The following TRIML2 variants were observed in gnomAD, a reference collection of about 807,000 sequenced individuals.
The protein encoded by TRIML2 is probable E3 ubiquitin-protein ligase TRIML2.
Under a neutral mutation model 31.2 loss-of-function variants are expected in TRIML2, and 28 were observed. The observed-to-expected ratio is 0.90, with a 90% CI of 0.66 to 1.23. The LOEUF is 1.23. Ranked by LOEUF, TRIML2 falls within the 50% of genes most tolerant of loss-of-function variation. The pLI is 0.00. For missense variants in TRIML2, 536 were observed against 528.3 expected (o/e 1.01, Z -0.14); for synonymous variants, 187 against 197.5 (o/e 0.95, Z 0.45).
chr4:188,100,449 G>A (rs1296684185), intron 4 of TRIML2, among the ~76,000 whole-genome samples: 5 of 152,162 alleles, frequency 3.3e-5, no homozygotes, highest in East Asian at 1.9e-4. Flanking sequence ...TAGGCCGGGC[G>A]CGGTGGCTCA....
In TRIML2 at chr4:188,101,261, T is replaced by G; in HGVS notation, c.286-11A>C. On this transcript the variant is annotated splice_polypyrimidine_tract_variant and intron_variant, in intron 3 of 7. Coordinates refer to ENST00000682553, the MANE Select transcript of TRIML2 (RefSeq NM_173553.4). ...ATTTTGTTCCTCTTCCTTCCTCATA[T>G]AGACATGATAGACTTCAGGTTAAAC... 1 of 1,581,624 alleles carries G rather than the reference T, an allele frequency of 6.3e-7. No individual in the cohort carries two copies.
At chr4:188,091,968 C>A (rs1204895925) in intron 7 of TRIML2, 27 bp from the exon 8 acceptor site, 1 of 1,582,316 alleles carries the variant, frequency 6.3e-7, no homozygotes, top group Non-Finnish European at 8.6e-7. Context: ...CCCTCGTTAA[C>A]CTAGGAGTTC....
intron 7 of TRIML2, among the ~76,000 whole-genome samples, chr4:188,095,009 A>G (rs1733441843): frequency 6.6e-6 from 1 of 152,202 alleles, no homozygotes; most frequent in Non-Finnish European, 1.5e-5. Context: ...GGGCCAAGTA[A>G]ATTGAATGGA....
Position 188,097,091 on chromosome 4 carries a change from C to G in TRIML2, c.715G>C (p.Gly239Arg). ...AGTACTCTGAACATGCTGCTGAGTC[C>G]TCTTATGTGGCATAAACTCAGGTCT... ...ITDLSLCHIRGLSSMFRVLQR... is the reference protein window; with the variant it reads ...ITDLSLCHIRRLSSMFRVLQR... The change falls in exon 7 of 8, where the codon GGA becomes CGA. Residue 239 changes from glycine (G) to arginine (R), a missense_variant. Coordinates refer to ENST00000682553, the MANE Select transcript of TRIML2 (RefSeq NM_173553.4). 5 of 1,613,940 alleles carry G rather than the reference C, an allele frequency of 3.1e-6. No homozygotes were observed. The highest frequency in any genetic ancestry group is 4.2e-6 in the Non-Finnish European group (5 of 1,179,872).
intron 4 of TRIML2, among the ~76,000 whole-genome samples, chr4:188,100,421 G>T (rs1021300133): frequency 7.2e-5 from 11 of 152,126 alleles, no homozygotes; most frequent in Admixed American, 5.9e-4. Flanking sequence ...CCATTCATCC[G>T]GCTTCAAAGG....
chr4:188,094,449 A>G (rs916360959), intron 7 of TRIML2, among the ~76,000 whole-genome samples: 1 of 152,238 alleles, frequency 6.6e-6, no homozygotes, highest in African/African-American at 2.4e-5. Context: ...GTCAATATAT[A>G]TAAAACAATT....
intron 5 of TRIML2, chr4:188,098,818 A>G: frequency 1.9e-6 from 1 of 521,888 alleles, no homozygotes; most frequent in Non-Finnish European, 3.3e-6. Context: ...TGATAATTTT[A>G]AGGTGAGAAT....
At chr4:188,102,392 G>A (rs956801615) in intron 3 of TRIML2, among the ~76,000 whole-genome samples, 4 of 152,186 alleles carry the variant, frequency 2.6e-5, no homozygotes, top group East Asian at 1.9e-4. Flanking sequence ...AGGAGTGTGC[G>A]TTAGCTCGGG....
At chr4:188,101,299 C>T in intron 3 of TRIML2, 49 bp from the exon 4 acceptor site, 7 of 1,159,772 alleles carry the variant, frequency 6.0e-6, no homozygotes, top group South Asian at 1.4e-5. Flanking sequence ...GATAGATTAA[C>T]AACACACACA....
Position 188,109,316 on chromosome 4 carries a change from A to C in TRIML2, c.-296T>G, listed in dbSNP as rs1341152689. 1 of 110,404 alleles carries C rather than the reference A, an allele frequency of 9.1e-6. No individual in the cohort carries two copies. The highest frequency in any genetic ancestry group is 3.6e-5 in the African/African-American group (1 of 27,512). 6.8% of individuals were successfully genotyped at this position (110,404 alleles called of 1,614,324 possible). On this transcript the variant is annotated 5_prime_UTR_variant, in exon 1 of 8. Transcript: ENST00000682553. ...TTTTGAGACAGGGTCTTGCTCTGTC[A>C]CCCAGGCTGGAATGCAGTGGCGCAA... is the stretch of plus-strand genomic sequence containing the variant.
intron 1 of TRIML2, chr4:188,106,089 A>C (rs7670061): frequency 6.6e-6 from 1 of 150,872 alleles, no homozygotes; most frequent in Non-Finnish European, 1.5e-5. Flanking sequence ...TCGCTCTGTC[A>C]CCCAGGCTGG....
intron 1 of TRIML2, among the ~76,000 whole-genome samples, chr4:188,107,376 A>G (rs2111195164): frequency 6.6e-6 from 1 of 152,340 alleles, no homozygotes; most frequent in Middle Eastern, 3.4e-3. Context: ...CAGTAAACAT[A>G]GATATTAACG....
chr4:188,101,425 G>A (rs373140922), intron 3 of TRIML2, among the ~76,000 whole-genome samples, 175 bp from the exon 4 acceptor site: 84 of 152,236 alleles, frequency 5.5e-4, no homozygotes, highest in African/African-American at 1.9e-3. Flanking sequence ...GCTGGGCGCA[G>A]TGGCTCACGC....
chr4:188,100,320 CCAGTTTA>C (rs1733717581), intron 4 of TRIML2, among the ~76,000 whole-genome samples: 1 of 152,136 alleles, frequency 6.6e-6, no homozygotes, highest in African/African-American at 2.4e-5. Context: ...ACTGTTATAT[CCAGTTTA>C]CAGCTAAAGG....
intron 7 of TRIML2, among the ~76,000 whole-genome samples, chr4:188,095,988 C>T (rs966945395): frequency 2.0e-5 from 3 of 152,170 alleles, no homozygotes; most frequent in Admixed American, 1.3e-4. Context: ...AAAGGCAAAG[C>T]TATAAGGACA....
chr4:188,095,898 C>T (rs1395460821), intron 7 of TRIML2, among the ~76,000 whole-genome samples: 3 of 152,156 alleles, frequency 2.0e-5, no homozygotes, highest in East Asian at 1.9e-4. Flanking sequence ...GCAGCCTGGA[C>T]GTTCTATATG....
At chr4:188,108,189 TCTGGTCTCCCAGTC>T in intron 1 of TRIML2, among the ~76,000 whole-genome samples, 1 of 152,270 alleles carries the variant, frequency 6.6e-6, no homozygotes, top group Middle Eastern at 3.4e-3. Context: ...AAGGTTGAGT[TCTGGTCTCCCAGTC>T]CTGGTCTCTC....
chr4:188,097,163 T>G lies in TRIML2; in HGVS notation c.645-2A>C. The G allele has an allele frequency of 6.2e-7, 1 of 1,613,846 alleles. No individual in the cohort carries two copies. On this transcript the variant is annotated splice_acceptor_variant, in intron 6 of 7. Coordinates refer to ENST00000682553, the MANE Select transcript of TRIML2 (RefSeq NM_173553.4). LOFTEE classifies it high-confidence loss of function. The stretch of plus-strand genomic sequence containing the variant: ...TGCTCAAGCAGCAGTGACTTGCTCC[T>G]GAAGAGAAAGGACAGCCTCAGTCAT...
At chr4:188,099,274 A>C in intron 4 of TRIML2, 99 bp from the exon 5 acceptor site, 1 of 1,459,598 alleles carries the variant, frequency 6.9e-7, no homozygotes, top group Non-Finnish European at 9.1e-7. Flanking sequence ...GTTTTTAAAA[A>C]CCTGCTTTTC....
Sources: gnomAD v4.1 joint callset for allele counts (sites outside exome capture counted in the v4.1 genomes callset) on GRCh38, gnomAD v4.1.1 for gene constraint, MANE v1.5 for transcripts, NCBI Gene and HGNC (gene_info 2026-07-23, HGNC 2026-07-21) for gene names.